The following LYRM4 variants were observed in gnomAD, a reference collection of about 807,000 sequenced individuals.
The protein encoded by LYRM4 is LYR motif containing 4, also known as LYR motif-containing protein 4.
In LYRM4, 9 loss-of-function variants were observed where a neutral mutation model predicts 11.7. The ratio of observed to expected loss-of-function variants is 0.77; its 90% CI spans 0.46 to 1.34. The LOEUF is 1.34. Among genes scored for constraint, LYRM4 ranks in the 40% most tolerant of loss-of-function variants. The pLI, the probability that LYRM4 is intolerant of heterozygous loss-of-function variation, is 0.00. For synonymous variants in LYRM4, 42 were observed against 40.4 expected (o/e 1.04, Z -0.15); for missense variants, 133 against 112.5 (o/e 1.18, Z -0.82).
the LYRM4 span, chr6:5,088,736 A>C: frequency 6.6e-6 from 1 of 152,242 alleles, no homozygotes; most frequent in South Asian, 2.1e-4. Context: ...GCCACTTGAA[A>C]TAAACCCCCT....
chr6:5,257,201 C>A (rs534159011), intron 1 of LYRM4, among the ~76,000 whole-genome samples: 1 of 152,250 alleles, frequency 6.6e-6, no homozygotes, highest in East Asian at 1.9e-4. Flanking sequence ...GCACGGCCCC[C>A]AGGCCCTCAA....
At chr6:5,152,409 G>A (rs116562612) in intron 2 of LYRM4, among the ~76,000 whole-genome samples, 1,630 of 152,162 alleles carry the variant, frequency 0.011, 26 homozygotes, top group African/African-American at 0.036. Flanking sequence ...CTCCAGTGCC[G>A]GCATGACGTA....
chr6:5,082,101 T>C, the LYRM4 span, among the ~76,000 whole-genome samples: 11 of 152,328 alleles, frequency 7.2e-5, no homozygotes, highest in East Asian at 1.5e-3. Context: ...AGTGTTTTCC[T>C]GAGTTCCGTG....
At chr6:5,235,084 T>A (rs999275463) in intron 1 of LYRM4, among the ~76,000 whole-genome samples, 5 of 152,152 alleles carry the variant, frequency 3.3e-5, no homozygotes, top group Non-Finnish European at 5.9e-5. Flanking sequence ...CCCCTTTCCA[T>A]CATTACTTCC....
At chr6:5,174,819 A>G (rs955246277) in intron 2 of LYRM4, among the ~76,000 whole-genome samples, 2 of 152,242 alleles carry the variant, frequency 1.3e-5, no homozygotes, top group African/African-American at 4.8e-5. Context: ...AAATTCTAAC[A>G]AACGTCGAGA....
the LYRM4 span, chr6:5,085,835 C>G: frequency 6.5e-7 from 1 of 1,528,898 alleles, no homozygotes; most frequent in East Asian, 2.5e-5. Context: ...GCGGAGGACG[C>G]ACAGCTCGGC....
At chr6:5,103,920 G>C (rs1762581336), downstream of LYRM4, 1 of 148,324 alleles carries the variant, frequency 6.7e-6, no homozygotes, top group Non-Finnish European at 1.5e-5. Flanking sequence ...ACAGGTGTGA[G>C]CCACCACACC....
At chr6:5,199,240 C>G (rs1168364548) in intron 2 of LYRM4, among the ~76,000 whole-genome samples, 1 of 152,166 alleles carries the variant, frequency 6.6e-6, no homozygotes. Flanking sequence ...AGGAAGTACT[C>G]TCTTATGCTA....
At position 5,109,338 on chromosome 6, in the gene LYRM4, G is replaced by C. The variant is rs1056170549; in HGVS notation, c.*85C>G. ...CAGGCAGCGCAAAAGGCTATTGTAA[G>C]CTGGTTTTGGGAGCCCCCATCTCAA... is the stretch of plus-strand genomic sequence containing the variant. On this transcript the variant is annotated 3_prime_UTR_variant, in exon 3 of 3. Transcript: ENST00000330636. The C allele has an allele frequency of 8.8e-6, 14 of 1,599,256 alleles. No homozygotes were observed. Among genetic ancestry groups the C allele is most frequent in the Non-Finnish European group, 1.1e-5 (13 of 1,169,172 alleles).
chr6:5,258,017 A>T (rs1363129440), intron 1 of LYRM4, among the ~76,000 whole-genome samples: 1 of 152,172 alleles, frequency 6.6e-6, no homozygotes, highest in Non-Finnish European at 1.5e-5. Flanking sequence ...ATTGAGCTCA[A>T]TCTTGAAGGA....
intron 2 of LYRM4, among the ~76,000 whole-genome samples, chr6:5,214,054 G>A (rs1242358826): frequency 1.3e-5 from 2 of 152,240 alleles, no homozygotes; most frequent in African/African-American, 2.4e-5. Context: ...CAGAGTCCAT[G>A]CTCTTCGCCA....
At chr6:5,071,896 C>T in the LYRM4 span, among the ~76,000 whole-genome samples, 12 of 152,092 alleles carry the variant, frequency 7.9e-5, no homozygotes, top group African/African-American at 2.7e-4. Context: ...CTGCCCACCT[C>T]GGCCTCCCAA....
intron 2 of LYRM4, among the ~76,000 whole-genome samples, chr6:5,214,108 A>G (rs1290098819): frequency 6.6e-6 from 1 of 152,238 alleles, no homozygotes; most frequent in African/African-American, 2.4e-5. Flanking sequence ...CCCTGTCCTC[A>G]TGGCCCCTGC....
chr6:5,034,753 CTTTTTTTTT>C, the LYRM4 span: 3 of 93,852 alleles, frequency 3.2e-5, no homozygotes, highest in Non-Finnish European at 5.9e-5. Context: ...TACAGCAATG[CTTTTTTTTT>C]TTTTTTTTCA....
At chr6:5,239,750 C>A (rs931884733) in intron 1 of LYRM4, among the ~76,000 whole-genome samples, 1 of 152,182 alleles carries the variant, frequency 6.6e-6, no homozygotes, top group Non-Finnish European at 1.5e-5. Flanking sequence ...CAGCTGCAGG[C>A]TGTCAGGGTA....
chr6:5,046,110 GC>G, the LYRM4 span, among the ~76,000 whole-genome samples: 5 of 152,058 alleles, frequency 3.3e-5, no homozygotes, highest in African/African-American at 1.2e-4. Flanking sequence ...GCTTACCACA[GC>G]TTTTTTAAGG....
intron 1 of LYRM4, among the ~76,000 whole-genome samples, chr6:5,237,777 A>G (rs1763637444): frequency 6.6e-6 from 1 of 152,194 alleles, no homozygotes; most frequent in South Asian, 2.1e-4. Context: ...ATGCTTTCCT[A>G]CTGTGGCCTT....
chr6:5,229,788 G>A lies in LYRM4; in HGVS notation c.87-13050C>T, dbSNP rs73719757. 3.2e-3 allele frequency among the ~76,000 whole-genome samples: 494 copies of A among 152,282 alleles called. 6 individuals carry two copies. The highest frequency in any genetic ancestry group is 0.011 in the African/African-American group (468 of 41,544). On this transcript the variant is annotated intron_variant, in intron 1 of 2. Coordinates refer to ENST00000330636, the MANE Select transcript of LYRM4 (RefSeq NM_020408.6). ...TATGGGGTCTGTTGAAAGTAACACTGTCTTAAAAAATCAATAAAATAATGG... is the reference window on the plus strand; with the variant it reads ...TATGGGGTCTGTTGAAAGTAACACTATCTTAAAAAATCAATAAAATAATGG...
At chr6:5,203,517 G>A (rs186118787) in intron 2 of LYRM4, among the ~76,000 whole-genome samples, 1 of 152,186 alleles carries the variant, frequency 6.6e-6, no homozygotes, top group Admixed American at 6.5e-5. Flanking sequence ...TCACTTCCTT[G>A]CCTAGCAGTC....
Sources: gnomAD v4.1 joint callset for allele counts (sites outside exome capture counted in the v4.1 genomes callset) on GRCh38, gnomAD v4.1.1 for gene constraint, MANE v1.5 for transcripts, NCBI Gene and HGNC (gene_info 2026-07-23, HGNC 2026-07-21) for gene names.